The following FBRSL1 variants were observed in gnomAD, a reference collection of about 807,000 sequenced individuals.
FBRSL1 encodes fibrosin-1-like protein.
A neutral mutation model predicts 89.6 loss-of-function variants in FBRSL1; 51 were observed. The ratio of observed to expected loss-of-function variants is 0.57; its 90% confidence interval spans 0.45 to 0.72. The LOEUF (loss-of-function observed/expected upper bound fraction) is 0.72. Ranked by LOEUF, FBRSL1 falls within the 30% of genes least tolerant of loss-of-function variation. The pLI is 0.00. For missense variants in FBRSL1, 1,618 were observed against 1,451.8 expected, an observed-to-expected ratio of 1.11 and a Z score of -1.86; for synonymous variants, 779 against 681.1, an observed-to-expected ratio of 1.14 and a Z score of -2.24.
intron 1 of FBRSL1, among the ~76,000 whole-genome samples, chr12:132,503,417 A>G (rs1306566187): frequency 6.6e-6 from 1 of 152,208 alleles, no homozygotes; most frequent in Non-Finnish European, 1.5e-5. Flanking sequence ...TGGGGTCCCC[A>G]TCAGAAAAAA....
chr12:132,564,875 G>A lies in FBRSL1; in HGVS notation c.646-2606G>A, dbSNP rs7961696. On this transcript the variant is annotated intron_variant, in intron 5 of 18. Coordinates refer to ENST00000680143, the MANE Select transcript of FBRSL1 (RefSeq NM_001367871.1). ...CGATCTGCTGACCTCGTGATCCGCCGGCCTCGGCCTCCCGCAGTGCTGGGA... is the reference window on the plus strand; with the variant it reads ...CGATCTGCTGACCTCGTGATCCGCCAGCCTCGGCCTCCCGCAGTGCTGGGA... 2.7e-5 allele frequency among the ~76,000 whole-genome samples: 4 copies of A among 146,754 alleles called. No homozygotes were observed. In the South Asian group the frequency reaches 6.3e-4, roughly 23 times the overall value.
intron 2 of FBRSL1, among the ~76,000 whole-genome samples, chr12:132,515,721 GA>G (rs1009431286): frequency 3.0e-4 from 45 of 151,960 alleles, no homozygotes; most frequent in African/African-American, 9.9e-4. Flanking sequence ...CCAACATGGT[GA>G]AACCCGTCTC....
At chr12:132,548,146 T>G in intron 5 of FBRSL1, 114 bp downstream of exon 5, 1 of 1,313,520 alleles carries the variant, frequency 7.6e-7, no homozygotes, top group South Asian at 1.3e-5. Flanking sequence ...CTTGGGGGGA[T>G]CCCCCCGCCC....
At chr12:132,529,981 C>G (rs1161928198) in intron 4 of FBRSL1, among the ~76,000 whole-genome samples, 2 of 152,202 alleles carry the variant, frequency 1.3e-5, no homozygotes, top group Non-Finnish European at 2.9e-5. Context: ...GGCAACCCCT[C>G]AGAGGTGGCT....
chr12:132,516,386 T>C (rs1025578878), intron 2 of FBRSL1, among the ~76,000 whole-genome samples: 4 of 152,172 alleles, frequency 2.6e-5, no homozygotes, highest in Non-Finnish European at 2.9e-5. Context: ...GGTTTCACCA[T>C]GTTGGCCAGG....
chr12:132,498,615 T>A (rs1044298287), intron 1 of FBRSL1, among the ~76,000 whole-genome samples: 1 of 152,194 alleles, frequency 6.6e-6, no homozygotes, highest in African/African-American at 2.4e-5. Context: ...GCCTGGAATG[T>A]CCAGATCCCC....
intron 4 of FBRSL1, among the ~76,000 whole-genome samples, chr12:132,540,411 G>T (rs11146920): frequency 0.34 from 50,081 of 145,930 alleles, 9,406 homozygotes; most frequent in Non-Finnish European, 0.43. Context: ...TTCCCTGTGG[G>T]CCACCCTGAG....
chr12:132,491,856 G>A (rs1014528757), intron 1 of FBRSL1, among the ~76,000 whole-genome samples: 5 of 152,214 alleles, frequency 3.3e-5, no homozygotes, highest in South Asian at 2.1e-4. Flanking sequence ...ATCGTGTCCC[G>A]AGTGCACAGT....
At chr12:132,531,531 C>T (rs1159921387) in intron 4 of FBRSL1, among the ~76,000 whole-genome samples, 1 of 150,652 alleles carries the variant, frequency 6.6e-6, no homozygotes, top group African/African-American at 2.4e-5. Context: ...ACGGGTTCCT[C>T]TCTGGGCCTC....
intron 2 of FBRSL1, chr12:132,509,803 C>T (rs569308427): frequency 3.0e-5 from 37 of 1,231,456 alleles, no homozygotes; most frequent in Admixed American, 1.3e-4. Flanking sequence ...CCCCTGTGGT[C>T]GCTGCTAGCC....
At chr12:132,515,881 CAG>C (rs1290089689) in intron 2 of FBRSL1, among the ~76,000 whole-genome samples, 2 of 115,806 alleles carry the variant, frequency 1.7e-5, no homozygotes, top group Non-Finnish European at 3.2e-5. Flanking sequence ...GCCTGGGCAA[CAG>C]AGTGAGACTC....
rs577554372 is a variant in FBRSL1, at chr12:132,503,295, C to T, written c.292-4858C>T. On this transcript the variant is annotated intron_variant, in intron 1 of 18. Transcript: ENST00000680143. ...CGTTGCTAGGCGAGAGCCGCAAGCC[C>T]GCAGGACCACATCCTGGAGGCCATA... Among the ~76,000 whole-genome samples, 265 of 152,324 alleles carry T rather than the reference C, an allele frequency of 1.7e-3. 2 individuals carry two copies. The highest frequency in any genetic ancestry group is 2.2e-3 in the Non-Finnish European group (151 of 68,028).
intron 5 of FBRSL1, among the ~76,000 whole-genome samples, chr12:132,562,822 C>G (rs867167985): frequency 6.6e-6 from 1 of 152,126 alleles, no homozygotes; most frequent in Non-Finnish European, 1.5e-5. Flanking sequence ...CAGGCCCTTG[C>G]GACGTGACTA....
At chr12:132,537,507 G>A (rs562612178) in intron 4 of FBRSL1, among the ~76,000 whole-genome samples, 28 of 152,292 alleles carry the variant, frequency 1.8e-4, no homozygotes, top group South Asian at 8.3e-4. Flanking sequence ...TGTGGCAGTC[G>A]CGACTTGAGA....
intron 5 of FBRSL1, among the ~76,000 whole-genome samples, chr12:132,548,635 C>T (rs2037895322): frequency 1.3e-5 from 2 of 152,220 alleles, no homozygotes; most frequent in Non-Finnish European, 2.9e-5. Context: ...GCCCCAGAGC[C>T]CTGCGGGGAG....
At chr12:132,510,267 C>A in intron 2 of FBRSL1, 1 of 1,230,410 alleles carries the variant, frequency 8.1e-7, no homozygotes, top group Non-Finnish European at 1.0e-6. Flanking sequence ...ACCCTGCCGG[C>A]CTCTCCTGGG....
intron 1 of FBRSL1, among the ~76,000 whole-genome samples, chr12:132,505,369 C>T (rs531887979): frequency 9.2e-5 from 14 of 152,244 alleles, no homozygotes; most frequent in African/African-American, 2.9e-4. Flanking sequence ...GGGCTGTTGC[C>T]TAGCTTACAA....
Position 132,582,062 on chromosome 12 carries a change from C to G in FBRSL1, c.1997C>G (p.Ala666Gly), listed in dbSNP as rs1359958700. 1.9e-6 allele frequency: 3 copies of G among 1,544,516 alleles called. No homozygotes were observed. The highest frequency in any genetic ancestry group is 1.8e-4 in the Middle Eastern group (1 of 5,686). Residue 666 changes from alanine (A) to glycine (G), a missense_variant and splice_region_variant, in exon 18 of 19, where the codon GCT becomes GGT. Transcript: ENST00000680143. ...CATGCTCCCCGGCCTCTGCCCCCAG[C>G]TCCCGGTGGCAGCATCTTTGCCCCC... is the stretch of plus-strand genomic sequence containing the variant. The part of the protein sequence containing the change: ...AFGGLGSHAL[A>G]PGGSIFAPKE...
intron 4 of FBRSL1, among the ~76,000 whole-genome samples, chr12:132,536,783 G>A (rs558664675): frequency 6.6e-6 from 1 of 152,320 alleles, no homozygotes; most frequent in South Asian, 2.1e-4. Context: ...GAGTGCACAT[G>A]TGTATGTGAA....
Sources: gnomAD v4.1 joint callset for allele counts (sites outside exome capture counted in the v4.1 genomes callset) on GRCh38, gnomAD v4.1.1 for gene constraint, MANE v1.5 for transcripts, NCBI Gene and HGNC (gene_info 2026-07-23, HGNC 2026-07-21) for gene names.